The following KLF8 variants were observed in gnomAD, a reference collection of about 807,000 sequenced individuals.
KLF8 encodes KLF transcription factor 8.
KLF8 carries 10 observed loss-of-function variants against 18.2 expected under a neutral mutation model. That is an observed-to-expected ratio of 0.55 (90% confidence interval 0.34 to 0.93). The LOEUF is 0.93. Among genes scored for constraint, KLF8 ranks in the 40% least tolerant of loss-of-function variants. The pLI is 0.02. For missense variants in KLF8, 264 were observed against 277.9 expected (o/e 0.95, Z 0.36); for synonymous variants, 109 against 97.3 (o/e 1.12, Z -0.71).
the KLF8 span, among the ~76,000 whole-genome samples, chrX:56,166,460 G>A: frequency 9.0e-6 from 1 of 111,646 alleles, no homozygotes; most frequent in Non-Finnish European, 1.9e-5. Flanking sequence ...TCATATTACC[G>A]TAAAAATATT....
At chrX:56,078,171 A>T in the KLF8 span, among the ~76,000 whole-genome samples, 3 of 111,465 alleles carry the variant, frequency 2.7e-5, no homozygotes, top group Non-Finnish European at 5.7e-5. Context: ...AGACCTTCCA[A>T]CAGTACGTTG....
rs1279187380 is a variant in KLF8, at chrX:56,250,209, CTT to C, written c.8-19_8-18del. ...GGTTAGATTTTATTCTGAAAGTTGT[CTT>C]TTCCTTTTCTCTTTTCCAGATATGG... is the stretch of plus-strand genomic sequence containing the variant. On this transcript the variant is annotated intron_variant, in intron 1 of 5. Transcript: ENST00000468660. 2 of 1,145,597 alleles carry C rather than the reference CTT, an allele frequency of 1.7e-6. No homozygotes were observed. Among genetic ancestry groups the C allele is most frequent in the East Asian group, 6.0e-5 (2 of 33,518 alleles). The allele number at this position is 1,145,597 out of a possible 1,213,427, so 94.4% of individuals were successfully genotyped here. A position where few individuals can be genotyped will look rare whatever the true frequency, so the allele number is the denominator to read the frequency against.
At chrX:56,184,123 G>A in the KLF8 span, among the ~76,000 whole-genome samples, 3 of 112,454 alleles carry the variant, frequency 2.7e-5, no homozygotes, top group Non-Finnish European at 5.6e-5. Context: ...CCTAGTCAAA[G>A]AAAGGGGTGA....
the KLF8 span, among the ~76,000 whole-genome samples, chrX:56,125,316 G>A: frequency 8.9e-6 from 1 of 111,947 alleles, no homozygotes; most frequent in East Asian, 2.8e-4. Context: ...GAGGAAGACA[G>A]AAACAGCTAT....
At chrX:56,253,767 T>TTTTTTTTC (rs1435618455) in intron 2 of KLF8, among the ~76,000 whole-genome samples, 1 of 86,430 alleles carries the variant, frequency 1.2e-5, no homozygotes, top group African/African-American at 4.4e-5. Context: ...TCTTTTTCTT[T>TTTTTTTTC]TTTTTTTTTT....
chrX:56,227,506 G>T (rs192700402), upstream of KLF8, among the ~76,000 whole-genome samples: 3 of 110,360 alleles, frequency 2.7e-5, no homozygotes, highest in Admixed American at 2.9e-4. Context: ...CACCATGCCT[G>T]GCTAATTTTT....
chrX:56,103,008 C>T, the KLF8 span, among the ~76,000 whole-genome samples: 1 of 106,085 alleles, frequency 9.4e-6, no homozygotes, highest in Non-Finnish European at 1.9e-5. Flanking sequence ...AATCTCTAGC[C>T]CCTCTCTCCT....
chrX:56,194,267 G>A, the KLF8 span, among the ~76,000 whole-genome samples: 2 of 111,351 alleles, frequency 1.8e-5, no homozygotes, highest in Admixed American at 9.6e-5. Flanking sequence ...AGGGCGTCAC[G>A]TCTCCCAGGA....
At chrX:56,068,737 G>T in the KLF8 span, among the ~76,000 whole-genome samples, 1 of 107,110 alleles carries the variant, frequency 9.3e-6, no homozygotes, top group African/African-American at 3.4e-5. Context: ...AGCAATGCAT[G>T]CTAGAGCTTC....
the KLF8 span, among the ~76,000 whole-genome samples, chrX:56,136,585 C>T: frequency 1.8e-5 from 2 of 111,523 alleles, no homozygotes; most frequent in East Asian, 2.8e-4. Context: ...CTTCCTTACA[C>T]CTTATACAAA....
At chrX:56,054,474 T>C in the KLF8 span, among the ~76,000 whole-genome samples, 11 of 112,001 alleles carry the variant, frequency 9.8e-5, no homozygotes, top group African/African-American at 3.6e-4. Flanking sequence ...TTTCTGTTCT[T>C]TTGCTTTTGT....
At chrX:55,988,896 TCTC>T in the KLF8 span, among the ~76,000 whole-genome samples, 2 of 111,497 alleles carry the variant, frequency 1.8e-5, no homozygotes, top group Admixed American at 9.5e-5. Flanking sequence ...GGTTTGTAGT[TCTC>T]CTTGAAGAGG....
At chrX:56,269,060 G>C in intron 3 of KLF8, 2 of 894,165 alleles carry the variant, frequency 2.2e-6, no homozygotes, top group Non-Finnish European at 2.8e-6. Flanking sequence ...ACCCTGTCCT[G>C]GTAGCTGGAG....
chrX:56,056,244 T>G, the KLF8 span, among the ~76,000 whole-genome samples: 1 of 110,891 alleles, frequency 9.0e-6, no homozygotes, highest in Non-Finnish European at 1.9e-5. Context: ...AACTTGGATT[T>G]TTTTCTTGTA....
the KLF8 span, among the ~76,000 whole-genome samples, chrX:55,965,453 C>A: frequency 1.8e-5 from 2 of 111,772 alleles, no homozygotes; most frequent in Non-Finnish European, 3.8e-5. Context: ...TTGCTGGACC[C>A]CTTCCCCCTA....
chrX:56,058,291 T>TATATATAC, the KLF8 span, among the ~76,000 whole-genome samples: 4 of 21,130 alleles, frequency 1.9e-4, no homozygotes, highest in Admixed American at 4.1e-4. Context: ...TATATATATA[T>TATATATAC]ATATATATAT....
the KLF8 span, among the ~76,000 whole-genome samples, chrX:56,122,180 A>G: frequency 3.6e-5 from 4 of 111,316 alleles, no homozygotes; most frequent in Admixed American, 3.8e-4. Context: ...ATGACAGTTA[A>G]TGGTCTATTT....
the KLF8 span, among the ~76,000 whole-genome samples, chrX:56,074,197 T>A: frequency 2.7e-5 from 3 of 112,556 alleles, no homozygotes; most frequent in South Asian, 1.1e-3. Flanking sequence ...TACAGCCTTA[T>A]CAGATATGTG....
the KLF8 span, among the ~76,000 whole-genome samples, chrX:56,035,424 A>G: frequency 3.6e-5 from 4 of 112,064 alleles, no homozygotes; most frequent in African/African-American, 1.3e-4. Context: ...TACTGCAACA[A>G]ACATGGGGTA....
Sources: gnomAD v4.1 joint callset for allele counts (sites outside exome capture counted in the v4.1 genomes callset) on GRCh38, gnomAD v4.1.1 for gene constraint, MANE v1.5 for transcripts, NCBI Gene and HGNC (gene_info 2026-07-23, HGNC 2026-07-21) for gene names.